Variants in SDK1 observed in about 807,000 individuals in gnomAD.
SDK1 encodes the protein protein sidekick-1.
Under a neutral mutation model 245.5 loss-of-function variants are expected in SDK1, and 157 were observed. The ratio of observed to expected loss-of-function variants is 0.64; its 90% confidence interval spans 0.56 to 0.73. The LOEUF (loss-of-function observed/expected upper bound fraction) is 0.73. Among genes scored for constraint, SDK1 ranks in the 30% least tolerant of loss-of-function variants. The pLI is 0.00. For missense variants in SDK1, 3,583 were observed against 3,002.3 expected, an observed-to-expected ratio of 1.19 and a Z score of -4.52; for synonymous variants, 1,647 against 1,278.5, an observed-to-expected ratio of 1.29 and a Z score of -6.15.
intron 35 of SDK1, among the ~76,000 whole-genome samples, chr7:4,183,174 A>G (rs578237895): frequency 3.9e-5 from 6 of 152,304 alleles, no homozygotes; most frequent in African/African-American, 1.4e-4. Context: ...GTCGTGAGTC[A>G]TGAGTCCAGA....
rs1312883276 is a variant in SDK1, at chr7:4,049,393, C to G, written c.2648C>G (p.Ser883Cys). ...AACGTGCAGACGGAAGCCGTGAACT[C>G]CACCACCATTCAGTTCCTGTGGAAC... ...PQNVQTEAVN[S>C]TTIQFLWNPP... is the part of the protein sequence containing the mutation. Residue 883 changes from serine to cysteine, a missense_variant, in exon 18 of 45, where the codon TCC becomes TGC. Physicochemically the swap from Ser to Cys is moderately radical, Grantham distance 112. Coordinates refer to ENST00000404826, the MANE Select transcript of SDK1 (RefSeq NM_152744.4). 3.7e-6 allele frequency: 6 copies of G among 1,614,178 alleles called. No homozygotes were observed. Among genetic ancestry groups the G allele is most frequent in the Non-Finnish European group, 5.1e-6 (6 of 1,180,026 alleles).
intron 14 of SDK1, among the ~76,000 whole-genome samples, chr7:4,006,589 C>G (rs145165330): frequency 6.6e-6 from 1 of 152,256 alleles, no homozygotes; most frequent in South Asian, 2.1e-4. Flanking sequence ...TGAGCAAATC[C>G]TTCCCAAAAC....
chr7:3,702,630 G>C (rs1252674672), intron 4 of SDK1, among the ~76,000 whole-genome samples: 1 of 152,186 alleles, frequency 6.6e-6, no homozygotes, highest in Non-Finnish European at 1.5e-5. Context: ...AGTTCTCCCT[G>C]AATTAGCAGT....
intron 12 of SDK1, among the ~76,000 whole-genome samples, chr7:3,973,469 A>G (rs973672063): frequency 1.3e-5 from 2 of 152,188 alleles, no homozygotes; most frequent in Non-Finnish European, 2.9e-5. Flanking sequence ...GAAAAGAAAA[A>G]TGTGCTCAAA....
At chr7:4,116,238 C>T (rs1783701054) in intron 25 of SDK1, among the ~76,000 whole-genome samples, 1 of 152,200 alleles carries the variant, frequency 6.6e-6, no homozygotes, top group Non-Finnish European at 1.5e-5. Context: ...TGGGCGGTGC[C>T]ACCCCCTCAC....
intron 30 of SDK1, among the ~76,000 whole-genome samples, chr7:4,151,130 A>C (rs561074259): frequency 1.3e-5 from 2 of 152,178 alleles, no homozygotes; most frequent in Non-Finnish European, 2.9e-5. Flanking sequence ...GTCAAATGCA[A>C]ATCCTGACCA....
chr7:4,115,283 G>A (rs1469442611), intron 25 of SDK1, among the ~76,000 whole-genome samples: 1 of 152,046 alleles, frequency 6.6e-6, no homozygotes, highest in Non-Finnish European at 1.5e-5. Context: ...CAGATGGAGG[G>A]GCTGTTCATT....
At chr7:4,113,546 CA>C (rs3215346) in intron 24 of SDK1, 107 bp downstream of exon 24, 227,198 of 1,309,476 alleles carry the variant, frequency 0.17, 28,796 homozygotes, top group East Asian at 0.74. Context: ...TTGTCCTAGT[CA>C]AAACTAATCT....
intron 17 of SDK1, among the ~76,000 whole-genome samples, chr7:4,040,153 AG>A (rs1162487330): frequency 6.6e-6 from 1 of 152,190 alleles, no homozygotes; most frequent in Non-Finnish European, 1.5e-5. Context: ...GGGCTTTATA[AG>A]CATAGGGTAA....
chr7:3,672,771 A>ATATATG (rs1783751592), intron 4 of SDK1, among the ~76,000 whole-genome samples: 1 of 90,828 alleles, frequency 1.1e-5, no homozygotes, highest in South Asian at 3.7e-4. Context: ...ATATATATAT[A>ATATATG]TATATATATA....
At chr7:3,350,199 C>G (rs76087678) in intron 1 of SDK1, among the ~76,000 whole-genome samples, 4 of 152,064 alleles carry the variant, frequency 2.6e-5, no homozygotes, top group Non-Finnish European at 5.9e-5. Flanking sequence ...CTCAGTCTAT[C>G]AGAAAACATA....
chr7:3,350,458 A>G (rs568840107), intron 1 of SDK1, among the ~76,000 whole-genome samples: 1 of 152,224 alleles, frequency 6.6e-6, no homozygotes, highest in South Asian at 2.1e-4. Context: ...TTGTAGTGGG[A>G]CAGATTACAT....
intron 1 of SDK1, among the ~76,000 whole-genome samples, chr7:3,467,172 A>G (rs904164696): frequency 1.3e-5 from 2 of 152,156 alleles, no homozygotes; most frequent in Non-Finnish European, 2.9e-5. Context: ...TTTATGATCA[A>G]TAAAAATATT....
intron 38 of SDK1, 74 bp downstream of exon 38, chr7:4,210,236 C>G: frequency 2.3e-6 from 3 of 1,300,138 alleles, no homozygotes; most frequent in Non-Finnish European, 3.0e-6. Context: ...ACACAGTGAG[C>G]CGCACCTGAC....
intron 5 of SDK1, among the ~76,000 whole-genome samples, chr7:3,892,735 C>T (rs1033346734): frequency 1.3e-5 from 2 of 152,216 alleles, no homozygotes; most frequent in Non-Finnish European, 2.9e-5. Context: ...GGAGGCCCTC[C>T]AGTCCAGGTG....
chr7:3,573,197 C>G (rs761167557), intron 1 of SDK1, among the ~76,000 whole-genome samples: 11 of 152,096 alleles, frequency 7.2e-5, no homozygotes, highest in African/African-American at 1.2e-4. Context: ...ACCCTGGTCT[C>G]AGAGTGGAGA....
At position 4,267,974 on chromosome 7, in the gene SDK1, G is replaced by C. The variant is rs144095438; in HGVS notation, c.*2590G>C. On this transcript the variant is annotated 3_prime_UTR_variant, in exon 45 of 45. Transcript: ENST00000404826. The stretch of plus-strand genomic sequence containing the variant: ...GCAATGCGGCATTTGAGAAGCAACA[G>C]TTCCTAACTCCTTATCTTCAGGGAA... The C allele has an allele frequency of 1.9e-5, 19 of 985,534 alleles. No individual in the cohort carries two copies. The African/African-American group carries it at 3.3e-4, about 17-fold the overall frequency. 61.0% of individuals were successfully genotyped at this position (985,534 alleles called of 1,614,324 possible).
chr7:4,053,733 G>A (rs1779028497), intron 19 of SDK1, among the ~76,000 whole-genome samples: 2 of 152,088 alleles, frequency 1.3e-5, no homozygotes, highest in Admixed American at 1.3e-4. Context: ...AATAGAACAT[G>A]GATTTCTTGA....
chr7:3,639,901 G>T (rs992118186), intron 3 of SDK1, among the ~76,000 whole-genome samples: 1 of 152,042 alleles, frequency 6.6e-6, no homozygotes, highest in African/African-American at 2.4e-5. Flanking sequence ...TCAGGCTGGA[G>T]TGCAGTGGCA....
Sources: gnomAD v4.1 joint callset for allele counts (sites outside exome capture counted in the v4.1 genomes callset) on GRCh38, gnomAD v4.1.1 for gene constraint, MANE v1.5 for transcripts, NCBI Gene and HGNC (gene_info 2026-07-23, HGNC 2026-07-21) for gene names.